COL7A1: variants seen among roughly 807,000 people sequenced by gnomAD.
The protein encoded by COL7A1 is collagen type VII alpha 1 chain.
In COL7A1, 296 loss-of-function variants were observed where a neutral mutation model predicts 456.2. That is an observed-to-expected ratio of 0.65 (90% CI 0.59 to 0.71). The LOEUF is 0.71. Ranked by LOEUF, COL7A1 falls within the 30% of genes least tolerant of loss-of-function variation. COL7A1 has a pLI of 0.00. For synonymous variants in COL7A1, 1,464 were observed against 1,525.9 expected (o/e 0.96, Z 0.95); for missense variants, 3,441 against 4,017.2 (o/e 0.86, Z 3.88).
Position 48,568,230 on chromosome 3 carries a change from G to T in COL7A1, c.7795-60C>A. The T allele has an allele frequency of 1.3e-6, 2 of 1,570,210 alleles. No homozygotes were observed. The highest frequency in any genetic ancestry group is 2.2e-5 in the South Asian group (2 of 90,092). On this transcript the variant is annotated intron_variant, in intron 105 of 118. Coordinates refer to ENST00000681320, the MANE Select transcript of COL7A1 (RefSeq NM_000094.4). This position sits in a 1 kb window ranked among gnomAD's most constrained non-coding sequence, Gnocchi z 5.2. ...GGTCAGTGAGGGACCAAAGAGAATC[G>T]CCCTGGATAGTGGGTAGGGAACACC...
chr3:48,587,857 G>A lies in COL7A1; in HGVS notation c.2793C>T (p.Arg931=), dbSNP rs142681592. Residue 931 remains arginine, a synonymous_variant, in exon 22 of 119, where the codon CGC becomes CGT. Transcript: ENST00000681320. The surrounding 1 kb of genome is among the most constrained non-coding windows in gnomAD (Gnocchi z 6.1). ...LDGLEPATQY[R]VRLSVLGPAG... Reference sequence around the variant, plus strand: ...CTGGCCCTAGGACACTCAGCCTCACGCGGTACTGTGTCGCTGGCTCCAGCC... The same window carrying A: ...CTGGCCCTAGGACACTCAGCCTCACACGGTACTGTGTCGCTGGCTCCAGCC... The A allele has an allele frequency of 6.2e-6, 10 of 1,613,122 alleles. No homozygotes were observed. The highest frequency in any genetic ancestry group is 1.7e-5 in the Admixed American group (1 of 59,976).
chr3:48,584,138 G>C, intron 37 of COL7A1, 77 bp from the exon 38 acceptor site: 1 of 1,610,654 alleles, frequency 6.2e-7, no homozygotes, highest in South Asian at 1.1e-5. Context: ...GAGGGTCATG[G>C]GGTCCAATTG....
In COL7A1 at chr3:48,587,771, C is replaced by T. The variant is rs573594224; in HGVS notation, c.2857+22G>A. ...GTGGGTCATCAGCAGGGGAGGAGCA[C>T]GCCAAGGTGAGGCAGGCTTACCAGT... On this transcript the variant is annotated intron_variant, in intron 22 of 118. Coordinates refer to ENST00000681320, the MANE Select transcript of COL7A1 (RefSeq NM_000094.4). This position sits in a 1 kb window ranked among gnomAD's most constrained non-coding sequence, Gnocchi z 6.1. 7.5e-5 allele frequency: 121 copies of T among 1,613,390 alleles called. No individual in the cohort carries two copies. The South Asian group carries it at 1.2e-3, about 16-fold the overall frequency.
At position 48,576,534 on chromosome 3, in the gene COL7A1, G is replaced by A; in HGVS notation, c.5724C>T (p.Gly1908=). Residue 1908 remains glycine, a synonymous_variant, in exon 69 of 119, where the codon GGC becomes GGT. Coordinates refer to ENST00000681320, the MANE Select transcript of COL7A1 (RefSeq NM_000094.4). ...PGQGFPGVPG[G]TGPKGDRGET... is the part of the protein sequence containing the mutation. ...CATCCGCACTCACCTTGGGGCCCGT[G>A]CCTCCTGGGACACCAGGAAAACCCT... 1 of 1,611,174 alleles carries A rather than the reference G, an allele frequency of 6.2e-7. No homozygotes were observed. Among genetic ancestry groups the A allele is most frequent in the Non-Finnish European group, 8.5e-7 (1 of 1,179,096 alleles).
Position 48,570,670 on chromosome 3 carries a change from G to C in COL7A1, c.7313C>G (p.Pro2438Arg), listed in dbSNP as rs185142403. ...GPPGREGIPG[P>R]LGPPGPPGSV... ...CCCCGGTGGTCCAGGTGGCCCCAGGGGTCCTGGGATTCCTTCTCTCCCTGG... is the reference window on the plus strand; with the variant it reads ...CCCCGGTGGTCCAGGTGGCCCCAGGCGTCCTGGGATTCCTTCTCTCCCTGG... Residue 2438 changes from proline (P) to arginine (R), a missense_variant, in exon 96 of 119, where the codon CCC becomes CGC. Pro to Arg is a moderately radical substitution (Grantham distance 103). Transcript: ENST00000681320. This position sits in a 1 kb window ranked among gnomAD's most constrained non-coding sequence, Gnocchi z 5.5. The C allele has an allele frequency of 1.0e-3, 1,607 of 1,593,782 alleles. 37 individuals carry two copies. In the Admixed American group the frequency reaches 0.025, roughly 24 times the overall value.
At position 48,581,724 on chromosome 3, in the gene COL7A1, G is replaced by A. The variant is rs573530168; in HGVS notation, c.4704C>T (p.Thr1568=). ...CACTTACCCGTTCCCCTTGGACTCC[G>A]GTAGCTCCTCTGGGCCCAGCGGGCC... ...DVGPAGPRGA[T]GVQGERGPPG... is the part of the protein sequence containing the mutation. The change falls in exon 49 of 119, where the codon ACC becomes ACT. Residue 1568 remains threonine (T), a synonymous_variant. Coordinates refer to ENST00000681320, the MANE Select transcript of COL7A1 (RefSeq NM_000094.4). This position sits in a 1 kb window ranked among gnomAD's most constrained non-coding sequence, Gnocchi z 5.8. 37 of 1,614,004 alleles carry A rather than the reference G, an allele frequency of 2.3e-5. No homozygotes were observed. The highest frequency in any genetic ancestry group is 1.9e-4 in the African/African-American group (14 of 74,998).
rs113483524 is a variant in COL7A1, at chr3:48,588,939, C to T, written c.2371G>A (p.Val791Ile). ...ACCCCTACCCAGGTGATCCGTAGAA[C>T]GTCGCTGGAAGCATTGAGGATCTGC... ...RLQILNASSDVLRITWVGVTG... is the reference protein window; with the variant it reads ...RLQILNASSDILRITWVGVTG... The change falls in exon 19 of 119, where the codon GTT becomes ATT. Residue 791 changes from valine (V) to isoleucine (I), a missense_variant. Transcript: ENST00000681320. This position sits in a 1 kb window ranked among gnomAD's most constrained non-coding sequence, Gnocchi z 4.6. 6.8e-5 allele frequency: 109 copies of T among 1,613,610 alleles called. No homozygotes were observed. In the African/African-American group the frequency reaches 8.7e-4, roughly 13 times the overall value.
chr3:48,575,147 GGGT>G lies in COL7A1; in HGVS notation c.6217-24_6217-22del, dbSNP rs1301282176. The G allele has an allele frequency of 1.2e-6, 2 of 1,613,564 alleles. No homozygotes were observed. The highest frequency in any genetic ancestry group is 1.7e-6 in the Non-Finnish European group (2 of 1,179,910). Reference sequence around the variant, plus strand: ...CTGCCCTGCAGGAAACAAGAAAATGGGGTGGCAGCCCCAGCACAGCCTCCAGAC... The same window carrying G: ...CTGCCCTGCAGGAAACAAGAAAATGGGGCAGCCCCAGCACAGCCTCCAGAC... On this transcript the variant is annotated intron_variant, in intron 75 of 118. Coordinates refer to ENST00000681320, the MANE Select transcript of COL7A1 (RefSeq NM_000094.4). The surrounding 1 kb of genome is among the most constrained non-coding windows in gnomAD (Gnocchi z 6.3).
At position 48,594,049 on chromosome 3, in the gene COL7A1, T is replaced by C. The variant is rs867668242; in HGVS notation, c.266+319A>G. ...CACCTCTGGTGAACGGCTGCAAGGG[T>C]TAGAGGGCTAGAACGTGGAGAATCC... On this transcript the variant is annotated intron_variant, in intron 3 of 118. Transcript: ENST00000681320. The surrounding 1 kb of genome is among the most constrained non-coding windows in gnomAD (Gnocchi z 5.5). 6.6e-6 allele frequency among the ~76,000 whole-genome samples: 1 copy of C among 152,092 alleles called. No homozygotes were observed. The highest frequency in any genetic ancestry group is 1.5e-5 in the Non-Finnish European group (1 of 68,006).
rs775483677 is a variant in COL7A1 at position 48,585,019 on chromosome 3, G to A, written c.3975+17C>T. The A allele has an allele frequency of 1.2e-6, 2 of 1,613,420 alleles. No individual in the cohort carries two copies. The highest frequency in any genetic ancestry group is 1.3e-5 in the African/African-American group (1 of 74,906). On this transcript the variant is annotated intron_variant, in intron 33 of 118. Transcript: ENST00000681320. This position sits in a 1 kb window ranked among gnomAD's most constrained non-coding sequence, Gnocchi z 4.5. ...CAGGCAGCGCCCACCCTGACCTGCAGGACAAGGCTTGCTCACCTTTAGGCC... is the reference window on the plus strand; with the variant it reads ...CAGGCAGCGCCCACCCTGACCTGCAAGACAAGGCTTGCTCACCTTTAGGCC...
rs1340500529 is a variant in COL7A1, at chr3:48,579,968, G to A, written c.5124+63C>T. 5.0e-6 allele frequency: 8 copies of A among 1,611,080 alleles called. No homozygotes were observed. The highest frequency in any genetic ancestry group is 6.8e-6 in the Non-Finnish European group (8 of 1,177,306). On this transcript the variant is annotated intron_variant, in intron 57 of 118. Coordinates refer to ENST00000681320, the MANE Select transcript of COL7A1 (RefSeq NM_000094.4). The surrounding 1 kb of genome is among the most constrained non-coding windows in gnomAD (Gnocchi z 4.4). ...GTTAGTGGAAGGAATGAGGGGACAT[G>A]ATGTGGAGCCAAAGGGGCAAGTGAG...
In COL7A1 at chr3:48,579,153, G is replaced by T; in HGVS notation, c.5388+44C>A. The T allele has an allele frequency of 6.2e-7, 1 of 1,605,108 alleles. No individual in the cohort carries two copies. Among genetic ancestry groups the T allele is most frequent in the South Asian group, 1.1e-5 (1 of 90,874 alleles). On this transcript the variant is annotated intron_variant, in intron 62 of 118. Coordinates refer to ENST00000681320, the MANE Select transcript of COL7A1 (RefSeq NM_000094.4). This position sits in a 1 kb window ranked among gnomAD's most constrained non-coding sequence, Gnocchi z 4.4. ...CTGGGGTCTAGGGTCCTCATGTGAA[G>T]GGGTAGGGGAAGGGGACAACCAGGC...
chr3:48,591,520 G>A lies in COL7A1; in HGVS notation c.1580C>T (p.Ser527Phe). The change falls in exon 13 of 119, where the codon TCC becomes TTC. Residue 527 changes from serine (S) to phenylalanine (F), a missense_variant. Around this residue, in one of 3 missense-constraint regions of COL7A1, gnomAD observed 913 missense variants for 1,088.2 expected, o/e 0.84. Transcript: ENST00000681320. The surrounding 1 kb of genome is among the most constrained non-coding windows in gnomAD (Gnocchi z 7.0). ...GGTGGCACCAGGGACTGGGCTCCAG[G>A]ACACTCGCACCCGCTGCCCGGGCAG... ...TELPGQRVRVSWSPVPGATQY... is the reference protein window; with the variant it reads ...TELPGQRVRVFWSPVPGATQY... 2 of 1,614,000 alleles carry A rather than the reference G, an allele frequency of 1.2e-6. No homozygotes were observed. The highest frequency in any genetic ancestry group is 1.7e-6 in the Non-Finnish European group (2 of 1,179,994).
At chr3:48,576,194 TG>T in intron 71 of COL7A1, 54 bp downstream of exon 71, 1 of 1,608,700 alleles carries the variant, frequency 6.2e-7, no homozygotes, top group Non-Finnish European at 8.5e-7. Context: ...GATGGCAAGG[TG>T]GCCCCAATGG....
At position 48,570,243 on chromosome 3, in the gene COL7A1, G is replaced by A. The variant is rs1255277586; in HGVS notation, c.7440+32C>T. ...AATCAGAGGCAAGAGCTGGGATGAA[G>A]GGAGTTCGGCTGTGGAGTAAGACAT... On this transcript the variant is annotated intron_variant, in intron 98 of 118. Transcript: ENST00000681320. This position sits in a 1 kb window ranked among gnomAD's most constrained non-coding sequence, Gnocchi z 5.5. 3.1e-6 allele frequency: 5 copies of A among 1,613,988 alleles called. No homozygotes were observed. The highest frequency in any genetic ancestry group is 2.2e-5 in the East Asian group (1 of 44,852).
At position 48,572,281 on chromosome 3, in the gene COL7A1, G is replaced by C; in HGVS notation, c.6978+99C>G. 1 of 1,611,078 alleles carries C rather than the reference G, an allele frequency of 6.2e-7. No homozygotes were observed. Among genetic ancestry groups the C allele is most frequent in the Admixed American group, 1.7e-5 (1 of 60,018 alleles). On this transcript the variant is annotated intron_variant, in intron 90 of 118. Coordinates refer to ENST00000681320, the MANE Select transcript of COL7A1 (RefSeq NM_000094.4). The surrounding 1 kb of genome is among the most constrained non-coding windows in gnomAD (Gnocchi z 4.6). ...TATGCGGTCTACTATGAAAGCTGAG[G>C]GTCATGAGGGTGGGTAAACTATGGG...
In COL7A1 at chr3:48,568,273, T is replaced by C. The variant is rs192984399; in HGVS notation, c.7795-103A>G. Reference sequence around the variant, plus strand: ...GGAACACCATGGGGTGGGAGTCACCTCTGGAGGCCAGAGCCACTGGGGCTT... The same window carrying C: ...GGAACACCATGGGGTGGGAGTCACCCCTGGAGGCCAGAGCCACTGGGGCTT... On this transcript the variant is annotated intron_variant, in intron 105 of 118. Coordinates refer to ENST00000681320, the MANE Select transcript of COL7A1 (RefSeq NM_000094.4). This position sits in a 1 kb window ranked among gnomAD's most constrained non-coding sequence, Gnocchi z 5.2. 1.2e-4 allele frequency: 170 copies of C among 1,365,568 alleles called. No homozygotes were observed. The Middle Eastern group carries it at 2.5e-3, about 20-fold the overall frequency. 84.6% of individuals were successfully genotyped at this position (1,365,568 alleles called of 1,614,324 possible).
rs2043811755 is a variant in COL7A1, at chr3:48,570,066, C to T, written c.7485+68G>A. On this transcript the variant is annotated intron_variant, in intron 99 of 118. Coordinates refer to ENST00000681320, the MANE Select transcript of COL7A1 (RefSeq NM_000094.4). The surrounding 1 kb of genome is among the most constrained non-coding windows in gnomAD (Gnocchi z 5.5). The stretch of plus-strand genomic sequence containing the variant: ...GGGCTAGGGAGGATGGCAGAGAGTC[C>T]TGGGGTACAAAGGGCACAGGCAGGG... The T allele has an allele frequency of 1.2e-6, 2 of 1,605,466 alleles. No homozygotes were observed. Among genetic ancestry groups the T allele is most frequent in the Non-Finnish European group, 1.7e-6 (2 of 1,172,588 alleles).
chr3:48,565,725 G>A lies in COL7A1; in HGVS notation c.8408-57C>T. ...TGACAGAGAGAAGGATGGGAAGATG[G>A]AGAGACAGACAGAGACACACAGGCA... is the stretch of plus-strand genomic sequence containing the variant. On this transcript the variant is annotated intron_variant, in intron 114 of 118. Coordinates refer to ENST00000681320, the MANE Select transcript of COL7A1 (RefSeq NM_000094.4). This position sits in a 1 kb window ranked among gnomAD's most constrained non-coding sequence, Gnocchi z 4.5. 6.5e-7 allele frequency: 1 copy of A among 1,535,176 alleles called. No homozygotes were observed. Among genetic ancestry groups the A allele is most frequent in the Non-Finnish European group, 8.9e-7 (1 of 1,123,374 alleles).
Sources: gnomAD v4.1 joint callset for allele counts (sites outside exome capture counted in the v4.1 genomes callset) on GRCh38, gnomAD v4.1.1 for gene constraint, gnomAD v4.1.1 regional missense constraint, Gnocchi (gnomAD v3.1) non-coding constraint, MANE v1.5 for transcripts, NCBI Gene and HGNC (gene_info 2026-07-23, HGNC 2026-07-21) for gene names.